CSMD1: variants seen among roughly 807,000 people sequenced by gnomAD.
CSMD1 encodes CUB and Sushi multiple domains 1.
CSMD1 carries 213 observed loss-of-function variants against 417.5 expected under a neutral mutation model. The ratio of observed to expected loss-of-function variants is 0.51; its 90% CI spans 0.46 to 0.57. The LOEUF is 0.57. CSMD1 is among the 20% of genes least tolerant of loss of function. The pLI, the probability that CSMD1 is intolerant of heterozygous loss-of-function variation, is 0.00. For synonymous variants in CSMD1, 2,862 were observed against 1,736.8 expected, an observed-to-expected ratio of 1.65 and a Z score of -16.11; for missense variants, 6,923 against 4,529.7, an observed-to-expected ratio of 1.53 and a Z score of -15.17.
At chr8:4,854,427 G>T (rs923736489) in intron 1 of CSMD1, among the ~76,000 whole-genome samples, 1 of 152,184 alleles carries the variant, frequency 6.6e-6, no homozygotes, top group African/African-American at 2.4e-5. Context: ...GGCCGAATAG[G>T]AACAGCTCCG....
chr8:4,809,658 G>C (rs907224445), intron 1 of CSMD1, among the ~76,000 whole-genome samples: 2 of 152,124 alleles, frequency 1.3e-5, no homozygotes, highest in African/African-American at 2.4e-5. Flanking sequence ...AACTTTTCTA[G>C]GGGCCATATT....
intron 49 of CSMD1, among the ~76,000 whole-genome samples, chr8:3,070,662 C>G (rs1373414493): frequency 6.6e-6 from 1 of 152,210 alleles, no homozygotes; most frequent in African/African-American, 2.4e-5. Flanking sequence ...GTTTATATCA[C>G]CATTAGCATT....
chr8:3,002,633 TAGAC>T (rs1330921087), intron 52 of CSMD1, among the ~76,000 whole-genome samples: 1 of 152,216 alleles, frequency 6.6e-6, no homozygotes, highest in Admixed American at 6.5e-5. Flanking sequence ...ATTCTTGACT[TAGAC>T]AAACAGGACT....
chr8:4,224,382 A>C (rs1049455999), intron 3 of CSMD1, among the ~76,000 whole-genome samples: 2 of 152,160 alleles, frequency 1.3e-5, no homozygotes, highest in African/African-American at 4.8e-5. Flanking sequence ...ACATATTTTG[A>C]TGCCAATTCA....
chr8:4,607,250 C>G (rs951516149), intron 2 of CSMD1, among the ~76,000 whole-genome samples: 2 of 151,592 alleles, frequency 1.3e-5, no homozygotes, highest in Non-Finnish European at 2.9e-5. Context: ...TAAGATAATT[C>G]TGCTAGTGAT....
chr8:4,090,535 C>T (rs896036627), intron 3 of CSMD1, among the ~76,000 whole-genome samples: 1 of 152,168 alleles, frequency 6.6e-6, no homozygotes, highest in Admixed American at 6.5e-5. Context: ...CTCTTCATGT[C>T]TTGGATTATC....
At position 2,965,901 on chromosome 8, in the gene CSMD1, C is replaced by G; in HGVS notation, c.9154G>C (p.Asp3052His). ...CTCACAGTCTTGTTGAAGGTGAAGT[C>G]GGTCCCAAACTGGATGCCATTTGCT... ...TLANGIQFGT[D>H]FTFNKTVSYQ... is the part of the protein sequence containing the mutation. The change falls in exon 59 of 70, where the codon GAC becomes CAC. Residue 3052 changes from aspartate (D) to histidine (H), a missense_variant. Transcript: ENST00000635120. The G allele has an allele frequency of 6.2e-7, 1 of 1,610,118 alleles. No individual in the cohort carries two copies. The highest frequency in any genetic ancestry group is 1.3e-5 in the African/African-American group (1 of 75,006).
At chr8:4,788,410 G>A (rs1032594550) in intron 1 of CSMD1, 56 of 1,334,864 alleles carry the variant, frequency 4.2e-5, no homozygotes, top group African/African-American at 7.3e-5. Flanking sequence ...TCTTCTCTTT[G>A]ACTACCCAGG....
intron 49 of CSMD1, among the ~76,000 whole-genome samples, chr8:3,052,927 T>C (rs1465994184): frequency 6.6e-6 from 1 of 151,930 alleles, no homozygotes; most frequent in Non-Finnish European, 1.5e-5. Flanking sequence ...GCAGCTGAGA[T>C]TACAGGTGCA....
chr8:4,521,668 G>A (rs573419207), intron 2 of CSMD1, among the ~76,000 whole-genome samples: 23 of 152,290 alleles, frequency 1.5e-4, no homozygotes, highest in South Asian at 8.3e-4. Flanking sequence ...GTCCTATTGC[G>A]AAGAAAAGTT....
intron 21 of CSMD1, among the ~76,000 whole-genome samples, chr8:3,354,875 A>ATCTATATCTATAGATC (rs1808647492): frequency 2.8e-5 from 2 of 71,522 alleles, no homozygotes; most frequent in African/African-American, 1.4e-4. Flanking sequence ...AGATATACAT[A>ATCTATATCTATAGATC]TATCTATAGA....
At chr8:4,234,836 A>G (rs1160421631) in intron 3 of CSMD1, among the ~76,000 whole-genome samples, 1 of 152,142 alleles carries the variant, frequency 6.6e-6, no homozygotes, top group Non-Finnish European at 1.5e-5. Context: ...CAGTCTCTGC[A>G]CTGTGGGCGC....
At chr8:4,692,291 G>C (rs1053661834) in intron 1 of CSMD1, among the ~76,000 whole-genome samples, 2 of 152,108 alleles carry the variant, frequency 1.3e-5, no homozygotes, top group Non-Finnish European at 2.9e-5. Flanking sequence ...TTATGAGAAA[G>C]GGAGAAACTC....
At chr8:4,083,616 G>C (rs568486998) in intron 3 of CSMD1, among the ~76,000 whole-genome samples, 1 of 152,136 alleles carries the variant, frequency 6.6e-6, no homozygotes, top group Non-Finnish European at 1.5e-5. Flanking sequence ...AATTAATGGT[G>C]CTGGGAAAAC....
chr8:3,256,306 C>G (rs377592844), intron 26 of CSMD1, among the ~76,000 whole-genome samples: 6 of 36,886 alleles, frequency 1.6e-4, no homozygotes, highest in Middle Eastern at 0.034. Context: ...GACTAAGTCT[C>G]AAGAAAAAAA....
chr8:4,167,441 C>T (rs1289828817), intron 3 of CSMD1, among the ~76,000 whole-genome samples: 2 of 152,098 alleles, frequency 1.3e-5, no homozygotes, highest in African/African-American at 2.4e-5. Flanking sequence ...GAAATGTTAA[C>T]ACACTGGAAT....
chr8:4,159,091 T>C (rs1020053222), intron 3 of CSMD1, among the ~76,000 whole-genome samples: 4 of 152,188 alleles, frequency 2.6e-5, no homozygotes, highest in African/African-American at 9.6e-5. Context: ...AATTTTTGTA[T>C]TTTTAGTAGA....
At chr8:4,331,919 A>AT (rs1276330646) in intron 3 of CSMD1, among the ~76,000 whole-genome samples, 36 of 152,240 alleles carry the variant, frequency 2.4e-4, no homozygotes, top group African/African-American at 4.3e-4. Flanking sequence ...CATCGTAATG[A>AT]TTTTTTTACA....
At chr8:4,051,881 T>TCCTTCC (rs372763456) in intron 3 of CSMD1, among the ~76,000 whole-genome samples, 1 of 134,038 alleles carries the variant, frequency 7.5e-6, no homozygotes, top group African/African-American at 3.0e-5. Flanking sequence ...TCCTCCTTTC[T>TCCTTCC]TCCTTCCTTC....
Sources: allele counts gnomAD v4.1 joint callset (sites outside exome capture counted in the v4.1 genomes callset), GRCh38; gene constraint gnomAD v4.1.1; transcripts MANE v1.5; gene names NCBI Gene and HGNC (gene_info 2026-07-23, HGNC 2026-07-21).